Variants in IDH3A observed in about 807,000 individuals in gnomAD.
IDH3A encodes isocitrate dehydrogenase (NAD(+)) 3 catalytic subunit alpha.
Under a neutral mutation model 43.3 loss-of-function variants are expected in IDH3A, and 23 were observed. That is an observed-to-expected ratio of 0.53 (90% CI 0.38 to 0.75). IDH3A has a LOEUF of 0.75. Among genes scored for constraint, IDH3A ranks in the 30% least tolerant of loss-of-function variants. IDH3A has a pLI of 0.00. For synonymous variants in IDH3A, 154 were observed against 163.5 expected, an observed-to-expected ratio of 0.94 and a Z score of 0.44; for missense variants, 329 against 474.4, an observed-to-expected ratio of 0.69 and a Z score of 2.85.
intron 1 of IDH3A, chr15:78,151,060 C>A (rs1406474837): frequency 6.6e-6 from 1 of 152,190 alleles, no homozygotes; most frequent in Non-Finnish European, 1.5e-5. Context: ...CATGAAAAAA[C>A]CCTCATAGTA....
At chr15:78,158,793 A>G (rs966362539) in intron 3 of IDH3A, among the ~76,000 whole-genome samples, 5 of 151,530 alleles carry the variant, frequency 3.3e-5, no homozygotes, top group African/African-American at 1.2e-4. Context: ...TTTTAAAAAC[A>G]GCTTTATGGA....
intron 1 of IDH3A, among the ~76,000 whole-genome samples, chr15:78,149,838 T>A (rs2141935490): frequency 6.6e-6 from 1 of 152,342 alleles, no homozygotes; most frequent in African/African-American, 2.4e-5. Context: ...GCGGGACTGA[T>A]CCCCTCAGCA....
At chr15:78,156,866 C>A in intron 2 of IDH3A, 1 of 1,337,908 alleles carries the variant, frequency 7.5e-7, no homozygotes, top group Non-Finnish European at 9.9e-7. Flanking sequence ...GTGACTCAGG[C>A]TTTGCAGGTA....
intron 3 of IDH3A, among the ~76,000 whole-genome samples, chr15:78,159,719 G>A (rs952197223): frequency 2.6e-5 from 4 of 152,124 alleles, no homozygotes; most frequent in Admixed American, 6.6e-5. Flanking sequence ...GGCTGGGCCC[G>A]GTAGCTCACG....
At chr15:78,149,673 C>CG (rs1251145997) in intron 1 of IDH3A, among the ~76,000 whole-genome samples, 4 of 152,116 alleles carry the variant, frequency 2.6e-5, no homozygotes, top group Admixed American at 6.5e-5. Flanking sequence ...AAGGTCAAGG[C>CG]GGGGGGGCGC....
In IDH3A at chr15:78,165,063, C is replaced by T; in HGVS notation, c.851C>T (p.Ala284Val). 1.2e-6 allele frequency: 2 copies of T among 1,612,690 alleles called. No individual in the cohort carries two copies. The highest frequency in any genetic ancestry group is 1.7e-6 in the Non-Finnish European group (2 of 1,178,980). The change falls in exon 9 of 11, where the codon GCA becomes GTA. Residue 284 changes from alanine (A) to valine (V), a missense_variant. Around this residue, in one of 3 missense-constraint regions of IDH3A, gnomAD observed 91 missense variants for 111.6 expected, o/e 0.82. Transcript: ENST00000299518. ...GGCAACATTGGAGCCAATGGGGTTGCAATTTTTGAGTCGGTAAGGACCCTG... is the reference window on the plus strand; with the variant it reads ...GGCAACATTGGAGCCAATGGGGTTGTAATTTTTGAGTCGGTAAGGACCCTG... ...PSGNIGANGV[A>V]IFESVHGTAP...
intron 1 of IDH3A, chr15:78,154,853 TGA>T: frequency 5.9e-6 from 1 of 169,490 alleles, no homozygotes; most frequent in Non-Finnish European, 1.3e-5. Flanking sequence ...ACCCCTAAAT[TGA>T]CCGAATGGTC....
In IDH3A at chr15:78,160,267, T is replaced by A. The variant is rs2074668073; in HGVS notation, c.289+61T>A. ...TTCCGCTACAGGGGTTACTTAGTTT[T>A]GAAAATTTATGCATTTAAACTGAAT... On this transcript the variant is annotated intron_variant, in intron 4 of 10. Coordinates refer to ENST00000299518, the MANE Select transcript of IDH3A (RefSeq NM_005530.3). 3 of 947,244 alleles carry A rather than the reference T, an allele frequency of 3.2e-6. No individual in the cohort carries two copies. The Admixed American group carries it at 5.7e-5, about 18-fold the overall frequency. The allele number at this position is 947,244 out of a possible 1,614,324, so 58.7% of individuals were successfully genotyped here.
At chr15:78,150,496 T>C (rs1310349788) in intron 1 of IDH3A, among the ~76,000 whole-genome samples, 1 of 152,236 alleles carries the variant, frequency 6.6e-6, no homozygotes, top group Non-Finnish European at 1.5e-5. Context: ...TGCACTGTTA[T>C]TTAAGGAAAA....
At chr15:78,149,820 G>T (rs2074558718) in intron 1 of IDH3A, among the ~76,000 whole-genome samples, 1 of 152,252 alleles carries the variant, frequency 6.6e-6, no homozygotes, top group Admixed American at 6.5e-5. Context: ...CCCGGCTGCG[G>T]CCCTGCTGCG....
chr15:78,169,207 T>C lies in IDH3A; in HGVS notation c.*202T>C, dbSNP rs889063274. ...TTTTCAAAGAACTTTTTCCAAGTGC[T>C]TGTTTTATTTATTAAGTGTCTACCT... On this transcript the variant is annotated 3_prime_UTR_variant, in exon 11 of 11. Transcript: ENST00000299518. 13 of 386,510 alleles carry C rather than the reference T, an allele frequency of 3.4e-5. 1 individual carries two copies. The highest frequency in any genetic ancestry group is 6.7e-4 in the Middle Eastern group (1 of 1,498). The allele number at this position is 386,510 out of a possible 1,614,324, so 23.9% of individuals were successfully genotyped here.
chr15:78,159,984 G>A, intron 3 of IDH3A, 108 bp from the exon 4 acceptor site: 1 of 706,374 alleles, frequency 1.4e-6, no homozygotes, highest in Non-Finnish European at 2.6e-6. Context: ...GACAGAGCGG[G>A]ACTCTATCTC....
In IDH3A at chr15:78,166,259, C is replaced by G. The variant is rs1388638732; in HGVS notation, c.974C>G (p.Ala325Gly). 1.9e-6 allele frequency: 3 copies of G among 1,614,142 alleles called. No homozygotes were observed. The South Asian group carries it at 3.3e-5, about 18-fold the overall frequency. ...CACATGGGACTTTTTGACCATGCTG[C>G]AAGAATTGAGGCTGCGTGTTTTGCT... ...LRHMGLFDHA[A>G]RIEAACFATI... The change falls in exon 10 of 11, where the codon GCA (alanine) becomes GGA (glycine). Residue 325 changes from alanine (A) to glycine (G), a missense_variant. Transcript: ENST00000299518.
Position 78,166,161 on chromosome 15 carries a change from G to C in IDH3A, c.876G>C (p.Thr292=). ...TTCCCGATGTGTAGGTTCATGGGAC[G>C]GCTCCAGACATTGCAGGCAAGGACA... ...GVAIFESVHG[T]APDIAGKDMA... Residue 292 remains threonine, a synonymous_variant, in exon 10 of 11, where the codon ACG becomes ACC. Transcript: ENST00000299518. 6.2e-7 allele frequency: 1 copy of C among 1,613,830 alleles called. No individual in the cohort carries two copies. The highest frequency in any genetic ancestry group is 8.5e-7 in the Non-Finnish European group (1 of 1,179,766).
At chr15:78,156,005 C>T (rs1164388987) in intron 2 of IDH3A, among the ~76,000 whole-genome samples, 1 of 152,068 alleles carries the variant, frequency 6.6e-6, no homozygotes, top group African/African-American at 2.4e-5. Context: ...ACATTTTTTC[C>T]TCCATTTACT....
chr15:78,153,662 A>G (rs1220611194), intron 1 of IDH3A, among the ~76,000 whole-genome samples: 2 of 152,236 alleles, frequency 1.3e-5, no homozygotes, highest in Non-Finnish European at 2.9e-5. Flanking sequence ...AAAAACATCA[A>G]GATAGGATAT....
At chr15:78,157,190 G>C in intron 2 of IDH3A, 1 of 1,114,202 alleles carries the variant, frequency 9.0e-7, no homozygotes, top group Non-Finnish European at 1.1e-6. Flanking sequence ...ATTTTTTGTT[G>C]TTGTTGTCTT....
At position 78,163,533 on chromosome 15, in the gene IDH3A, A is replaced by G; in HGVS notation, c.638A>G (p.Gln213Arg). 2 of 1,612,848 alleles carry G rather than the reference A, an allele frequency of 1.2e-6. No individual in the cohort carries two copies. The highest frequency in any genetic ancestry group is 1.7e-6 in the Non-Finnish European group (2 of 1,179,060). Reference sequence around the variant, plus strand: ...CGGATGTCAGATGGGCTTTTTCTACAAAAATGCAGGGAAGTTGCAGAAAGC... The same window carrying G: ...CGGATGTCAGATGGGCTTTTTCTACGAAAATGCAGGGAAGTTGCAGAAAGC... ...IMRMSDGLFL[Q>R]KCREVAESCK... Residue 213 changes from glutamine to arginine, a missense_variant, in exon 7 of 11, where the codon CAA becomes CGA. Gln to Arg is a conservative substitution (Grantham distance 43). Transcript: ENST00000299518.
intron 9 of IDH3A, 73 bp from the exon 10 acceptor site, chr15:78,166,077 A>C: frequency 1.4e-6 from 2 of 1,399,034 alleles, no homozygotes; most frequent in Non-Finnish European, 2.0e-6. Flanking sequence ...GATGGTTAAG[A>C]CTCCAGCTTC....
Sources: allele counts gnomAD v4.1 joint callset (sites outside exome capture counted in the v4.1 genomes callset), GRCh38; gene constraint gnomAD v4.1.1; regional missense constraint gnomAD v4.1.1; transcripts MANE v1.5; gene names NCBI Gene and HGNC (gene_info 2026-07-23, HGNC 2026-07-21).